Variants in CEP63 observed in about 807,000 individuals in gnomAD.
CEP63 encodes the protein centrosomal protein 63, also known as centrosomal protein of 63 kDa.
Under a neutral mutation model 89.1 loss-of-function variants are expected in CEP63, and 84 were observed. The ratio of observed to expected loss-of-function variants is 0.94; its 90% CI spans 0.79 to 1.13. The LOEUF is 1.13. Among genes scored for constraint, CEP63 ranks in the 50% most tolerant of loss-of-function variants. The probability of loss-of-function intolerance (pLI) is 0.00; values close to 1 mark genes in which losing one functional copy is unlikely to be tolerated. For synonymous variants in CEP63, 267 were observed against 272.5 expected (o/e 0.98, Z 0.20); for missense variants, 838 against 813.3 (o/e 1.03, Z -0.37).
the CEP63 span, among the ~76,000 whole-genome samples, chr3:134,677,625 T>A: frequency 6.6e-6 from 1 of 152,148 alleles, no homozygotes; most frequent in African/African-American, 2.4e-5. Flanking sequence ...TGGCTAGGGC[T>A]AGGGTTAGGG....
intron 1 of CEP63, among the ~76,000 whole-genome samples, chr3:134,491,435 T>A (rs1286151904): frequency 1.3e-5 from 2 of 152,222 alleles, no homozygotes; most frequent in African/African-American, 4.8e-5. Context: ...TATAAGCTCC[T>A]TATATATTTG....
At chr3:134,603,951 A>C in the CEP63 span, 1 of 1,613,988 alleles carries the variant, frequency 6.2e-7, no homozygotes, top group Non-Finnish European at 8.5e-7. Context: ...TCTTCTTGAC[A>C]AAGATCTTGA....
At chr3:134,738,143 A>T in the CEP63 span, among the ~76,000 whole-genome samples, 1 of 152,176 alleles carries the variant, frequency 6.6e-6, no homozygotes, top group Non-Finnish European at 1.5e-5. Flanking sequence ...AAAGAATATC[A>T]AGAATTACTG....
the CEP63 span, among the ~76,000 whole-genome samples, chr3:134,758,791 C>T: frequency 1.3e-5 from 2 of 152,146 alleles, no homozygotes; most frequent in Non-Finnish European, 2.9e-5. Context: ...GTCCAGAATT[C>T]ATTTCTGTGG....
chr3:134,683,829 C>T, the CEP63 span, among the ~76,000 whole-genome samples: 3 of 152,084 alleles, frequency 2.0e-5, no homozygotes, highest in African/African-American at 7.2e-5. Context: ...CCCTTCCCAC[C>T]TCTACCAGTT....
chr3:134,490,827 G>A (rs1300822924), intron 1 of CEP63, among the ~76,000 whole-genome samples: 1 of 151,932 alleles, frequency 6.6e-6, no homozygotes, highest in African/African-American at 2.4e-5. Context: ...TAGGTAAAAT[G>A]TGCTATTATG....
Position 134,511,777 on chromosome 3 carries a change from C to T in CEP63, c.222+4491C>T, listed in dbSNP as rs892581163. Among the ~76,000 whole-genome samples the T allele has an allele frequency of 1.4e-4, 21 of 152,124 alleles. 1 individual carries two copies. On this transcript the variant is annotated intron_variant, in intron 3 of 14. Transcript: ENST00000675561. ...CAGATCTCATGAGAATTCACTATCA[C>T]AAGAACAGCAAGGGGGAAGTCTGCC...
At chr3:134,507,760 A>T (rs1356664446) in intron 3 of CEP63, among the ~76,000 whole-genome samples, 1 of 152,184 alleles carries the variant, frequency 6.6e-6, no homozygotes, top group African/African-American at 2.4e-5. Context: ...AAATTAGAGG[A>T]GAAGAAAGAA....
At chr3:134,595,808 C>T in the CEP63 span, among the ~76,000 whole-genome samples, 1 of 152,030 alleles carries the variant, frequency 6.6e-6, no homozygotes, top group Non-Finnish European at 1.5e-5. Flanking sequence ...TGCAGGGGCT[C>T]CTCTTCAGAG....
the CEP63 span, among the ~76,000 whole-genome samples, chr3:134,739,796 C>T: frequency 6.6e-6 from 1 of 150,974 alleles, no homozygotes; most frequent in Non-Finnish European, 1.5e-5. Flanking sequence ...GGGGTGGAAG[C>T]AGACACTCAG....
chr3:134,591,627 G>A (rs1460659492), downstream of CEP63, among the ~76,000 whole-genome samples: 2 of 152,082 alleles, frequency 1.3e-5, no homozygotes, highest in Non-Finnish European at 2.9e-5. Flanking sequence ...AGGCCGAGGT[G>A]GGTGGAGTGC....
the CEP63 span, among the ~76,000 whole-genome samples, chr3:134,752,581 C>T: frequency 1.5e-4 from 23 of 152,278 alleles, no homozygotes; most frequent in Admixed American, 8.5e-4. Flanking sequence ...AGACAGCACA[C>T]TCATTTATCC....
chr3:134,707,649 C>A, the CEP63 span, among the ~76,000 whole-genome samples: 3 of 151,540 alleles, frequency 2.0e-5, no homozygotes, highest in East Asian at 5.8e-4. Flanking sequence ...GGTTGTACAA[C>A]GGTGATGTTG....
chr3:134,669,604 G>A, the CEP63 span, among the ~76,000 whole-genome samples: 1 of 152,248 alleles, frequency 6.6e-6, no homozygotes, highest in South Asian at 2.1e-4. Context: ...CAACACCAGT[G>A]CTACCCCATG....
chr3:134,759,825 T>C, the CEP63 span, among the ~76,000 whole-genome samples: 1 of 152,228 alleles, frequency 6.6e-6, no homozygotes, highest in African/African-American at 2.4e-5. Flanking sequence ...GCAAGGTGCC[T>C]GGAACTCTTT....
In CEP63 at chr3:134,580,749, T is replaced by C. The variant is rs945652450; in HGVS notation, c.1207-6709T>C. 1.1e-4 allele frequency among the ~76,000 whole-genome samples: 17 copies of C among 152,218 alleles called. No individual in the cohort carries two copies. In the South Asian group the frequency reaches 3.3e-3, roughly 30 times the overall value. The stretch of plus-strand genomic sequence containing the variant: ...ATCTCATATGAATTCAAGGTTGATA[T>C]AACATTTGAGAAAAAATAGAGTTCA... On this transcript the variant is annotated intron_variant, in intron 10 of 10. Coordinates refer to the CEP63 transcript ENST00000683931.
At chr3:134,519,471 A>G (rs1946979873) in intron 3 of CEP63, among the ~76,000 whole-genome samples, 1 of 152,102 alleles carries the variant, frequency 6.6e-6, no homozygotes, top group Non-Finnish European at 1.5e-5. Context: ...CTCATAGATA[A>G]ATCTCTTGGG....
intron 6 of CEP63, among the ~76,000 whole-genome samples, chr3:134,544,027 A>C (rs1235205447): frequency 2.0e-5 from 3 of 150,746 alleles, no homozygotes; most frequent in African/African-American, 7.3e-5. Flanking sequence ...GTATTTGTCT[A>C]TCTCTTCACC....
chr3:134,616,371 A>T, the CEP63 span, among the ~76,000 whole-genome samples: 3 of 152,236 alleles, frequency 2.0e-5, no homozygotes, highest in Non-Finnish European at 2.9e-5. Context: ...AAAAGTAATG[A>T]TGTCCACCCT....
Sources: gnomAD v4.1 joint callset for allele counts (sites outside exome capture counted in the v4.1 genomes callset) on GRCh38, gnomAD v4.1.1 for gene constraint, MANE v1.5 for transcripts, NCBI Gene and HGNC (gene_info 2026-07-23, HGNC 2026-07-21) for gene names.